FCMR: variants seen among roughly 807,000 people sequenced by gnomAD.
The protein encoded by FCMR is immunoglobulin mu Fc receptor.
A neutral mutation model predicts 41.6 loss-of-function variants in FCMR; 34 were observed. That is an observed-to-expected ratio of 0.82 (90% CI 0.62 to 1.09). The LOEUF (loss-of-function observed/expected upper bound fraction) is 1.09, where lower values mean the gene tolerates loss of function less well. FCMR is among the 50% of genes least tolerant of loss of function. The pLI, the probability that FCMR is intolerant of heterozygous loss-of-function variation, is 0.00. For missense variants in FCMR, 496 were observed against 512.5 expected, an observed-to-expected ratio of 0.97 and a Z score of 0.31; for synonymous variants, 209 against 211.8, an observed-to-expected ratio of 0.99 and a Z score of 0.12.
intron 1 of FCMR, among the ~76,000 whole-genome samples, chr1:206,919,557 C>A (rs1398566186): frequency 6.6e-6 from 1 of 152,146 alleles, no homozygotes; most frequent in African/African-American, 2.4e-5. Context: ...GATCACACCA[C>A]TGCATTCCAG....
At chr1:206,906,483 A>T (rs1433264828) in intron 7 of FCMR, 1 of 154,068 alleles carries the variant, frequency 6.5e-6, no homozygotes, top group African/African-American at 2.4e-5. Context: ...ATCTTCTATT[A>T]TGTTTTAATT....
At chr1:206,905,449 G>T (rs974181083) in intron 7 of FCMR, among the ~76,000 whole-genome samples, 4 of 152,192 alleles carry the variant, frequency 2.6e-5, no homozygotes, top group African/African-American at 9.7e-5. Flanking sequence ...GTATCCCCTC[G>T]GGGATAAGAT....
At chr1:206,917,834 G>A (rs1488300762) in intron 1 of FCMR, 1 of 453,754 alleles carries the variant, frequency 2.2e-6, no homozygotes, top group Admixed American at 2.4e-5. Context: ...ACCCAGGCTG[G>A]TCTTGAATCC....
intron 1 of FCMR, among the ~76,000 whole-genome samples, chr1:206,916,104 C>T (rs531438531): frequency 1.7e-3 from 261 of 152,192 alleles, no homozygotes; most frequent in African/African-American, 6.0e-3. Flanking sequence ...GCCAAAACCA[C>T]GAGTTCTGAC....
chr1:206,914,312 TC>T (rs1218242033), intron 1 of FCMR, among the ~76,000 whole-genome samples: 8 of 6,714 alleles, frequency 1.2e-3, no homozygotes, highest in African/African-American at 0.012. Flanking sequence ...TTCTTTTCTT[TC>T]CTTCCTTCCT....
At chr1:206,917,847 G>A (rs1386664873) in intron 1 of FCMR, 1 of 453,702 alleles carries the variant, frequency 2.2e-6, no homozygotes, top group African/African-American at 2.0e-5. Flanking sequence ...TTGAATCCCA[G>A]GCTCAAATGA....
At chr1:206,914,161 C>T (rs1679076125) in intron 1 of FCMR, 67 bp from the exon 2 acceptor site, 1 of 1,274,256 alleles carries the variant, frequency 7.8e-7, no homozygotes, top group African/African-American at 1.4e-5. Flanking sequence ...CCATCTACTT[C>T]CCAGCTCCAG....
intron 1 of FCMR, among the ~76,000 whole-genome samples, chr1:206,917,258 C>A (rs1381756526): frequency 6.6e-5 from 10 of 152,164 alleles, no homozygotes; most frequent in Non-Finnish European, 1.0e-4. Context: ...GGTGGAAGTG[C>A]AGATGAGGAC....
chr1:206,922,093 G>A (rs1679462993), upstream of FCMR: 1 of 574,230 alleles, frequency 1.7e-6, no homozygotes, highest in Non-Finnish European at 3.1e-6. Flanking sequence ...ATGTTGTGTG[G>A]AGTAAGAAAG....
chr1:206,909,782 A>G lies in FCMR; in HGVS notation c.928T>C (p.Ser310Pro). 1 of 1,456,186 alleles carries G rather than the reference A, an allele frequency of 6.9e-7. No individual in the cohort carries two copies. Among genetic ancestry groups the G allele is most frequent in the East Asian group, 3.0e-5 (1 of 33,446 alleles). The allele number at this position is 1,456,186 out of a possible 1,614,324, so 90.2% of individuals were successfully genotyped here. A position where few individuals can be genotyped will look rare whatever the true frequency, so the allele number is the denominator to read the frequency against. Residue 310 changes from serine to proline, a missense_variant, in exon 6 of 8, where the codon TCC (serine) becomes CCC (proline). Transcript: ENST00000367091. The surrounding 1 kb of genome is among the most constrained non-coding windows in gnomAD (Gnocchi z 5.0). Reference protein sequence around the residue: ...QRPRGSPRPRSQNNIYSACPR... With the variant: ...QRPRGSPRPRPQNNIYSACPR... ...CAGGCGCTGTAGATGTTGTTTTGGG[A>G]GCGCGGTCGCGGCGACCCGCGGGGC...
At chr1:206,905,248 C>A in intron 7 of FCMR, 101 bp from the exon 8 acceptor site, 1 of 1,360,098 alleles carries the variant, frequency 7.4e-7, no homozygotes, top group Non-Finnish European at 1.0e-6. Flanking sequence ...GACATGGCTG[C>A]TGAGTTCCAG....
chr1:206,914,165 G>T, intron 1 of FCMR, 71 bp from the exon 2 acceptor site: 1 of 1,226,700 alleles, frequency 8.2e-7, no homozygotes, highest in Non-Finnish European at 1.2e-6. Context: ...CTACTTCCCA[G>T]CTCCAGCCGT....
rs1343820863 is a variant in FCMR, at chr1:206,904,050, A to G, written c.*969T>C. 6.6e-6 allele frequency: 1 copy of G among 152,328 alleles called. No individual in the cohort carries two copies. Among genetic ancestry groups the G allele is most frequent in the Non-Finnish European group, 1.5e-5 (1 of 68,042 alleles). The allele number at this position is 152,328 out of a possible 1,614,324, so 9.4% of individuals were successfully genotyped here. ...ATAACCTTGTTCCAAAAACCTAGGC[A>G]AAGAGTATATGTAGGAGGTGGGATA... On this transcript the variant is annotated 3_prime_UTR_variant, in exon 8 of 8. Transcript: ENST00000367091.
At chr1:206,916,635 A>C (rs1679204705) in intron 1 of FCMR, among the ~76,000 whole-genome samples, 1 of 152,244 alleles carries the variant, frequency 6.6e-6, no homozygotes, top group Non-Finnish European at 1.5e-5. Context: ...GTCCCCAGGA[A>C]AAAGAAACTA....
chr1:206,905,875 G>T (rs1484000198), intron 7 of FCMR: 1 of 167,012 alleles, frequency 6.0e-6, no homozygotes, highest in Non-Finnish European at 1.3e-5. Flanking sequence ...TATATATTTT[G>T]TACTTTACTA....
chr1:206,918,680 T>TGTGTGC (rs1679299515), intron 1 of FCMR, among the ~76,000 whole-genome samples: 1 of 151,976 alleles, frequency 6.6e-6, no homozygotes, highest in Non-Finnish European at 1.5e-5. Flanking sequence ...TGTGTGTGTG[T>TGTGTGC]GTGTGTCTGT....
chr1:206,913,497 C>T, intron 2 of FCMR: 1 of 539,340 alleles, frequency 1.9e-6, no homozygotes, highest in South Asian at 2.7e-5. Flanking sequence ...AATCTCAAGC[C>T]TCTACTCCCC....
At chr1:206,920,871 A>T (rs758604878) in intron 1 of FCMR, among the ~76,000 whole-genome samples, 1 of 152,222 alleles carries the variant, frequency 6.6e-6, no homozygotes, top group Non-Finnish European at 1.5e-5. Context: ...TGGATCTAGA[A>T]ACTGCAATGA....
rs370403886 is a variant in FCMR, at chr1:206,904,971, C to G, written c.*48G>C. ...GGACATCAGCAGATAGATGAGACTCCTTGGCACCACAGTCCGAGCCTGGGG... is the reference window on the plus strand; with the variant it reads ...GGACATCAGCAGATAGATGAGACTCGTTGGCACCACAGTCCGAGCCTGGGG... On this transcript the variant is annotated 3_prime_UTR_variant, in exon 8 of 8. Coordinates refer to ENST00000367091, the MANE Select transcript of FCMR (RefSeq NM_005449.5). 1 of 1,607,738 alleles carries G rather than the reference C, an allele frequency of 6.2e-7. No individual in the cohort carries two copies. The highest frequency in any genetic ancestry group is 1.3e-5 in the African/African-American group (1 of 74,776).
Sources: allele counts gnomAD v4.1 joint callset (sites outside exome capture counted in the v4.1 genomes callset), GRCh38; gene constraint gnomAD v4.1.1; non-coding constraint Gnocchi (gnomAD v3.1); transcripts MANE v1.5; gene names NCBI Gene and HGNC (gene_info 2026-07-23, HGNC 2026-07-21).